Variants in ZNF697 observed in about 807,000 individuals in gnomAD.
ZNF697 encodes zinc finger protein 697.
A neutral mutation model predicts 32.4 loss-of-function variants in ZNF697; 23 were observed. That is an observed-to-expected ratio of 0.71 (90% confidence interval 0.51 to 1.01). The LOEUF is 1.01. Among genes scored for constraint, ZNF697 ranks in the 50% least tolerant of loss-of-function variants. The probability of loss-of-function intolerance (pLI) is 0.00; values close to 1 mark genes in which losing one functional copy is unlikely to be tolerated. For missense variants in ZNF697, 930 were observed against 794.0 expected (o/e 1.17, Z -2.06); for synonymous variants, 418 against 337.2 (o/e 1.24, Z -2.62).
intron 1 of ZNF697, among the ~76,000 whole-genome samples, chr1:119,627,709 G>A (rs904627001): frequency 1.2e-4 from 18 of 152,200 alleles, no homozygotes; most frequent in African/African-American, 3.9e-4. Context: ...TAATGTCTTC[G>A]GATATGGCTG....
chr1:119,640,359 A>G (rs770213401), intron 1 of ZNF697, among the ~76,000 whole-genome samples: 1 of 152,228 alleles, frequency 6.6e-6, no homozygotes, highest in Non-Finnish European at 1.5e-5. Flanking sequence ...GTAGAGTCAT[A>G]GAGACAACCT....
chr1:119,626,058 A>G lies in ZNF697; in HGVS notation c.43T>C (p.Ser15Pro). ...TCAGAACCCATCCCTTTGTCTTCTG[A>G]GTCCTGGTGTGCACAGACACCCTGA... The part of the protein sequence containing the change: ...DNQGVCAHQD[S>P]EDKGMGSDFE... The change falls in exon 2 of 3, where the codon TCA (serine) becomes CCA (proline). Residue 15 changes from serine to proline, a missense_variant. By Grantham distance (74) the Ser-to-Pro change is moderately conservative (BLOSUM62 -1). Coordinates refer to ENST00000421812, the MANE Select transcript of ZNF697 (RefSeq NM_001080470.2). The G allele has an allele frequency of 1.9e-6, 3 of 1,613,748 alleles. No individual in the cohort carries two copies. The highest frequency in any genetic ancestry group is 2.5e-6 in the Non-Finnish European group (3 of 1,179,696).
chr1:119,645,697 AAAGT>A (rs949009175), intron 1 of ZNF697, among the ~76,000 whole-genome samples: 31 of 152,200 alleles, frequency 2.0e-4, no homozygotes, highest in Non-Finnish European at 2.9e-5. Context: ...TTTAAATCCC[AAAGT>A]AAGGAGTTAC....
At chr1:119,632,245 C>T (rs960553241) in intron 1 of ZNF697, among the ~76,000 whole-genome samples, 1 of 152,230 alleles carries the variant, frequency 6.6e-6, no homozygotes, top group African/African-American at 2.4e-5. Flanking sequence ...GTGTCCACAA[C>T]CAAACGTGGC....
chr1:119,642,439 G>C (rs927026335), intron 1 of ZNF697, among the ~76,000 whole-genome samples: 3 of 150,908 alleles, frequency 2.0e-5, no homozygotes, highest in Admixed American at 6.7e-5. Flanking sequence ...GATGCTGAGA[G>C]GGGGGGAGGC....
rs1318026055 is a variant in ZNF697, at chr1:119,622,337, T to G, written c.*368A>C. On this transcript the variant is annotated 3_prime_UTR_variant, in exon 3 of 3. Coordinates refer to ENST00000421812, the MANE Select transcript of ZNF697 (RefSeq NM_001080470.2). ...TTTAAACCCTCTCCCCGCAACCTTC[T>G]ACAGGCCATCGCGGCCTACCCTAGT... 1.4e-5 allele frequency: 3 copies of G among 216,522 alleles called. No individual in the cohort carries two copies. The highest frequency in any genetic ancestry group is 6.9e-5 in the African/African-American group (3 of 43,544). 13.4% of individuals were successfully genotyped at this position (216,522 alleles called of 1,614,324 possible). A position where few individuals can be genotyped will look rare whatever the true frequency, so the allele number is the denominator to read the frequency against.
chr1:119,625,827 T>G (rs771703969), intron 2 of ZNF697, 48 bp downstream of exon 2: 3 of 1,601,430 alleles, frequency 1.9e-6, no homozygotes, highest in East Asian at 2.2e-5. Context: ...GAGCTAGAAG[T>G]AAGTGTAACT....
chr1:119,626,057 G>A lies in ZNF697; in HGVS notation c.44C>T (p.Ser15Leu). ...DNQGVCAHQD[S>L]EDKGMGSDFE... ...ATCAGAACCCATCCCTTTGTCTTCT[G>A]AGTCCTGGTGTGCACAGACACCCTG... Residue 15 changes from serine (S) to leucine (L), a missense_variant, in exon 2 of 3, where the codon TCA (serine) becomes TTA (leucine). By Grantham distance (145) the Ser-to-Leu change is moderately radical (BLOSUM62 -2). Transcript: ENST00000421812. 6 of 1,613,976 alleles carry A rather than the reference G, an allele frequency of 3.7e-6. No individual in the cohort carries two copies. The highest frequency in any genetic ancestry group is 5.1e-6 in the Non-Finnish European group (6 of 1,179,904).
rs1012328210 is a variant in ZNF697 at position 119,620,260 on chromosome 1, A to C, written c.*2445T>G. The C allele has an allele frequency of 1.3e-5, 2 of 152,584 alleles. No homozygotes were observed. Among genetic ancestry groups the C allele is most frequent in the African/African-American group, 4.8e-5 (2 of 41,434 alleles). The allele number at this position is 152,584 out of a possible 1,614,324, so 9.5% of individuals were successfully genotyped here. A position where few individuals can be genotyped will look rare whatever the true frequency, so the allele number is the denominator to read the frequency against. On this transcript the variant is annotated 3_prime_UTR_variant, in exon 3 of 3. Coordinates refer to ENST00000421812, the MANE Select transcript of ZNF697 (RefSeq NM_001080470.2). The stretch of plus-strand genomic sequence containing the variant: ...GTCCAAAGATTCCCACTGCCACTAA[A>C]CTATTTTACATTAGCTTCACTCTCC...
intron 2 of ZNF697, among the ~76,000 whole-genome samples, chr1:119,624,592 TC>T (rs1003145296): frequency 6.6e-6 from 1 of 152,206 alleles, no homozygotes; most frequent in African/African-American, 2.4e-5. Flanking sequence ...ACTAATTTTT[TC>T]TTTTTCTCTT....
At position 119,619,866 on chromosome 1, in the gene ZNF697, TC is replaced by T; in HGVS notation, c.*2838del. ...AAGGGCAGCAGAGGAAGACTGCTCT[TC>T]ATCAAATTCTCCAGGAAACAAATAA... On this transcript the variant is annotated 3_prime_UTR_variant, in exon 3 of 3. Transcript: ENST00000421812. 1 of 152,638 alleles carries T rather than the reference TC, an allele frequency of 6.6e-6. No individual in the cohort carries two copies. The highest frequency in any genetic ancestry group is 1.9e-4 in the East Asian group (1 of 5,194). 9.5% of individuals were successfully genotyped at this position (152,638 alleles called of 1,614,324 possible).
At chr1:119,633,390 GTGTA>G (rs1292800660) in intron 1 of ZNF697, among the ~76,000 whole-genome samples, 4 of 144,402 alleles carry the variant, frequency 2.8e-5, no homozygotes, top group Admixed American at 1.4e-4. Flanking sequence ...GTGTGTGTGT[GTGTA>G]TAGAGAGAGA....
rs1649126354 is a variant in ZNF697 at position 119,643,354 on chromosome 1, T to TGG, written c.-38+4336_-38+4337insCC. 2.0e-5 allele frequency among the ~76,000 whole-genome samples: 3 copies of TGG among 152,308 alleles called. No homozygotes were observed. In the South Asian group the frequency reaches 6.2e-4, roughly 32 times the overall value. ...AGAACTCTCCTATTCTCCTTTAACA[T>TGG]GACTAATGTGCTTCTAACAACCCAT... On this transcript the variant is annotated intron_variant, in intron 1 of 2. Coordinates refer to ENST00000421812, the MANE Select transcript of ZNF697 (RefSeq NM_001080470.2).
At chr1:119,627,416 C>G (rs1648621538) in intron 1 of ZNF697, among the ~76,000 whole-genome samples, 1 of 152,196 alleles carries the variant, frequency 6.6e-6, no homozygotes, top group African/African-American at 2.4e-5. Context: ...CCAGTGTCCT[C>G]ATGAGTGGAA....
intron 1 of ZNF697, among the ~76,000 whole-genome samples, chr1:119,646,053 A>T (rs61697179): frequency 0.013 from 2,017 of 152,248 alleles, 43 homozygotes; most frequent in African/African-American, 0.047. Flanking sequence ...ATGCAACTCC[A>T]TGAGCCTTAG....
At chr1:119,644,777 C>T (rs796207712) in intron 1 of ZNF697, among the ~76,000 whole-genome samples, 7 of 152,214 alleles carry the variant, frequency 4.6e-5, no homozygotes, top group African/African-American at 1.7e-4. Flanking sequence ...TTGCCCAGTT[C>T]GAGATAAGTG....
intron 2 of ZNF697, among the ~76,000 whole-genome samples, chr1:119,624,389 G>A (rs587707469): frequency 6.6e-6 from 1 of 152,320 alleles, no homozygotes; most frequent in South Asian, 2.1e-4. Flanking sequence ...GCACTGCCTA[G>A]CAGAGCCATC....
At chr1:119,625,368 G>A (rs1392073249) in intron 2 of ZNF697, among the ~76,000 whole-genome samples, 1 of 152,204 alleles carries the variant, frequency 6.6e-6, no homozygotes, top group Non-Finnish European at 1.5e-5. Flanking sequence ...TAAGAGTAAG[G>A]CATTTAGCAG....
In ZNF697 at chr1:119,648,220, G is replaced by GGCTC. The variant is rs1468611746; in HGVS notation, c.-568_-567insGAGC. Among the ~76,000 whole-genome samples the GGCTC allele has an allele frequency of 0.016, 2,500 of 151,774 alleles. 63 individuals are homozygous for GGCTC. Among genetic ancestry groups the GGCTC allele is most frequent in the African/African-American group, 0.057 (2,379 of 41,442 alleles). On this transcript the variant is annotated 5_prime_UTR_variant, in exon 1 of 3. Coordinates refer to ENST00000421812, the MANE Select transcript of ZNF697 (RefSeq NM_001080470.2). ...TGGCTGGTTGGCTGGCTGGCTGGCTGGCTGGCTGGCTGGCTCGCTGGCTGG... is the reference window on the plus strand; with the variant it reads ...TGGCTGGTTGGCTGGCTGGCTGGCTGGCTCGCTGGCTGGCTGGCTCGCTGGCTGG...
Sources: allele counts gnomAD v4.1 joint callset (sites outside exome capture counted in the v4.1 genomes callset), GRCh38; gene constraint gnomAD v4.1.1; transcripts MANE v1.5; gene names NCBI Gene and HGNC (gene_info 2026-07-23, HGNC 2026-07-21).